Variants in SHLD1 observed in about 807,000 individuals in gnomAD.
The protein encoded by SHLD1 is RINN1-REV7-interacting novel NHEJ regulator 3.
Under a neutral mutation model 5.5 loss-of-function variants are expected in SHLD1, and 3 were observed. The ratio of observed to expected loss-of-function variants is 0.54; its 90% CI spans 0.25 to 1.40. The LOEUF (loss-of-function observed/expected upper bound fraction) is 1.40. Among genes scored for constraint, SHLD1 ranks in the 40% most tolerant of loss-of-function variants. The pLI is 0.15. For synonymous variants in SHLD1, 92 were observed against 94.3 expected, an observed-to-expected ratio of 0.98 and a Z score of 0.14; for missense variants, 210 against 244.4, an observed-to-expected ratio of 0.86 and a Z score of 0.94.
intron 1 of SHLD1, among the ~76,000 whole-genome samples, chr20:5,762,258 T>A (rs748905795): frequency 2.6e-5 from 4 of 151,096 alleles, no homozygotes; most frequent in Non-Finnish European, 5.9e-5. Flanking sequence ...AAAAAAAAAA[T>A]TCTTTTATTT....
chr20:5,754,299 C>T (rs980286767), intron 1 of SHLD1, among the ~76,000 whole-genome samples: 10 of 152,062 alleles, frequency 6.6e-5, no homozygotes, highest in South Asian at 2.1e-4. Flanking sequence ...TTTGTAGAGT[C>T]GGGTTTTCAC....
intron 2 of SHLD1, among the ~76,000 whole-genome samples, chr20:5,796,243 C>T (rs1057039006): frequency 1.8e-4 from 27 of 152,034 alleles, no homozygotes; most frequent in Non-Finnish European, 2.5e-4. Flanking sequence ...TACAAGACCT[C>T]AGAGTTTTCT....
intron 1 of SHLD1, among the ~76,000 whole-genome samples, chr20:5,759,314 C>T (rs1984327091): frequency 6.6e-6 from 1 of 151,540 alleles, no homozygotes; most frequent in African/African-American, 2.4e-5. Flanking sequence ...GGCTGGAGTA[C>T]AGTGGTGCAA....
intron 2 of SHLD1, among the ~76,000 whole-genome samples, chr20:5,862,409 A>C (rs2088175299): frequency 6.6e-6 from 1 of 152,246 alleles, no homozygotes; most frequent in South Asian, 2.1e-4. Context: ...CCCGGAGAGA[A>C]TCTGAGAACC....
chr20:5,758,319 A>AG (rs1476600014), intron 1 of SHLD1, among the ~76,000 whole-genome samples: 3 of 52,288 alleles, frequency 5.7e-5, no homozygotes, highest in African/African-American at 7.9e-5. Flanking sequence ...AGGGAAGGGA[A>AG]GGGAGGGGAG....
intron 2 of SHLD1, among the ~76,000 whole-genome samples, chr20:5,775,863 A>G (rs1371962044): frequency 6.7e-6 from 1 of 149,734 alleles, no homozygotes; most frequent in Non-Finnish European, 1.5e-5. Flanking sequence ...CTCTCAGGAG[A>G]TCCAATTCCT....
At chr20:5,783,359 C>G (rs4815855) in intron 2 of SHLD1, among the ~76,000 whole-genome samples, 75,672 of 151,856 alleles carry the variant, frequency 0.5, 19,121 homozygotes, top group Non-Finnish European at 0.55. Flanking sequence ...GAGTAGCTGG[C>G]ACTACAGGAG....
intron 1 of SHLD1, among the ~76,000 whole-genome samples, chr20:5,751,801 GT>G (rs35859739): frequency 0.094 from 14,330 of 151,950 alleles, 1,402 homozygotes; most frequent in African/African-American, 0.25. Context: ...GTTATAGTTT[GT>G]TTTTTTTACA....
At chr20:5,818,125 G>C (rs1473530423) in intron 2 of SHLD1, among the ~76,000 whole-genome samples, 4 of 150,468 alleles carry the variant, frequency 2.7e-5, no homozygotes, top group African/African-American at 9.8e-5. Context: ...TGCTCTGTTG[G>C]AGTGCAGTAG....
intron 1 of SHLD1, among the ~76,000 whole-genome samples, chr20:5,759,484 C>T (rs1984336841): frequency 6.6e-6 from 1 of 151,880 alleles, no homozygotes; most frequent in Non-Finnish European, 1.5e-5. Context: ...TGGTCTCGAA[C>T]TTCTGGCCCC....
chr20:5,800,320 T>A (rs1301952786), intron 2 of SHLD1, among the ~76,000 whole-genome samples: 1 of 152,266 alleles, frequency 6.6e-6, no homozygotes, highest in East Asian at 1.9e-4. Flanking sequence ...TAAAAAACTT[T>A]TCTATCTGTA....
intron 2 of SHLD1, among the ~76,000 whole-genome samples, chr20:5,785,516 C>T (rs2087046692): frequency 2.0e-5 from 3 of 152,164 alleles, no homozygotes. Flanking sequence ...AAGCTTTAGG[C>T]CAGGCACGAT....
chr20:5,779,424 T>G (rs1985587401), intron 2 of SHLD1, among the ~76,000 whole-genome samples: 1 of 152,200 alleles, frequency 6.6e-6, no homozygotes, highest in Non-Finnish European at 1.5e-5. Flanking sequence ...TCCATGCCTC[T>G]TGTTCATAGG....
intron 2 of SHLD1, among the ~76,000 whole-genome samples, chr20:5,788,630 T>G (rs1227125772): frequency 1.3e-5 from 2 of 152,224 alleles, no homozygotes; most frequent in Non-Finnish European, 2.9e-5. Context: ...CCTTTCTCAT[T>G]TGTTCTTTGC....
At chr20:5,798,916 G>T (rs2087251272) in intron 2 of SHLD1, among the ~76,000 whole-genome samples, 1 of 152,208 alleles carries the variant, frequency 6.6e-6, no homozygotes, top group South Asian at 2.1e-4. Flanking sequence ...AGTTGTGGGG[G>T]CTCATGCCTG....
intron 2 of SHLD1, among the ~76,000 whole-genome samples, chr20:5,834,479 T>C (rs947900866): frequency 7.2e-5 from 11 of 152,216 alleles, no homozygotes; most frequent in African/African-American, 2.7e-4. Context: ...TTTTTTGTTT[T>C]TTTAATTAAA....
At chr20:5,782,231 G>A (rs951751846) in intron 2 of SHLD1, among the ~76,000 whole-genome samples, 1 of 152,182 alleles carries the variant, frequency 6.6e-6, no homozygotes, top group Admixed American at 6.6e-5. Flanking sequence ...GAAGCACAGA[G>A]TATACAGAAT....
At chr20:5,784,936 C>T (rs531877108) in intron 2 of SHLD1, among the ~76,000 whole-genome samples, 2 of 152,320 alleles carry the variant, frequency 1.3e-5, no homozygotes, top group Admixed American at 1.3e-4. Context: ...ATGTTACTGT[C>T]TCAAGCCACA....
intron 2 of SHLD1, among the ~76,000 whole-genome samples, chr20:5,842,360 A>G (rs993791570): frequency 1.3e-5 from 2 of 152,230 alleles, no homozygotes; most frequent in African/African-American, 4.8e-5. Context: ...CAATCTGGGT[A>G]TGACATTTAT....
Sources: allele counts gnomAD v4.1 joint callset (sites outside exome capture counted in the v4.1 genomes callset), GRCh38; gene constraint gnomAD v4.1.1; transcripts MANE v1.5; gene names NCBI Gene and HGNC (gene_info 2026-07-23, HGNC 2026-07-21).